The following STIM1 variants were observed in gnomAD, a reference collection of about 807,000 sequenced individuals.
STIM1 encodes stromal interaction molecule 1.
A neutral mutation model predicts 74.7 loss-of-function variants in STIM1; 25 were observed. The ratio of observed to expected loss-of-function variants is 0.33; its 90% CI spans 0.24 to 0.47. STIM1 has a LOEUF of 0.47. Ranked by LOEUF, STIM1 falls within the 20% of genes least tolerant of loss-of-function variation. STIM1 has a pLI of 1.00. For missense variants in STIM1, 728 were observed against 920.8 expected, an observed-to-expected ratio of 0.79 and a Z score of 2.71; for synonymous variants, 328 against 348.8, an observed-to-expected ratio of 0.94 and a Z score of 0.66.
chr11:3,891,753 A>G (rs750827927), intron 1 of STIM1, among the ~76,000 whole-genome samples: 4 of 152,258 alleles, frequency 2.6e-5, no homozygotes, highest in Non-Finnish European at 4.4e-5. Flanking sequence ...GTGTTTATCT[A>G]TGTAACCACC....
chr11:3,864,476 G>T (rs1346383472), intron 1 of STIM1, among the ~76,000 whole-genome samples: 1 of 152,126 alleles, frequency 6.6e-6, no homozygotes, highest in Non-Finnish European at 1.5e-5. Flanking sequence ...ATGGTTGTTG[G>T]CAGGCCTTGG....
At chr11:3,893,921 A>G (rs1275728287) in intron 1 of STIM1, among the ~76,000 whole-genome samples, 3 of 152,174 alleles carry the variant, frequency 2.0e-5, no homozygotes, top group African/African-American at 7.2e-5. Context: ...CTGGGACTAC[A>G]GGCACGTACC....
At chr11:4,045,029 C>G (rs2094179275) in intron 3 of STIM1, among the ~76,000 whole-genome samples, 1 of 152,164 alleles carries the variant, frequency 6.6e-6, no homozygotes, top group South Asian at 2.1e-4. Context: ...AAACTCTGGT[C>G]TAGAGTGACT....
chr11:3,856,456 G>A, intron 1 of STIM1, 47 bp downstream of exon 1: 2 of 1,591,602 alleles, frequency 1.3e-6, no homozygotes, highest in Non-Finnish European at 1.7e-6. Context: ...TTTGGCTCAG[G>A]ACTGAGTGGC....
intron 1 of STIM1, among the ~76,000 whole-genome samples, chr11:3,944,593 A>G (rs910579171): frequency 2.0e-5 from 3 of 152,234 alleles, no homozygotes; most frequent in Admixed American, 1.3e-4. Flanking sequence ...AGTCTAGTAG[A>G]AAGAGCACAA....
intron 2 of STIM1, among the ~76,000 whole-genome samples, chr11:3,983,592 C>G (rs2093528182): frequency 6.6e-6 from 1 of 152,134 alleles, no homozygotes; most frequent in Admixed American, 6.5e-5. Context: ...TACTATGTGA[C>G]ATTACATGTG....
chr11:3,929,823 G>A (rs2092835687), intron 1 of STIM1, among the ~76,000 whole-genome samples: 1 of 152,166 alleles, frequency 6.6e-6, no homozygotes, highest in African/African-American at 2.4e-5. Flanking sequence ...CATGTCTCGG[G>A]CCACAGGTTA....
chr11:4,016,689 A>G (rs2093900614), intron 2 of STIM1, among the ~76,000 whole-genome samples: 1 of 152,242 alleles, frequency 6.6e-6, no homozygotes, highest in Non-Finnish European at 1.5e-5. Context: ...GGCCTTGCTG[A>G]GGTGCAATGG....
intron 3 of STIM1, among the ~76,000 whole-genome samples, chr11:4,045,392 C>G (rs563683842): frequency 2.0e-5 from 3 of 152,026 alleles, no homozygotes; most frequent in Non-Finnish European, 4.4e-5. Flanking sequence ...ATCTGCAATG[C>G]GTTAGGATAT....
intron 1 of STIM1, among the ~76,000 whole-genome samples, chr11:3,879,444 G>C (rs1256544300): frequency 1.3e-5 from 2 of 152,056 alleles, no homozygotes; most frequent in Admixed American, 1.3e-4. Context: ...ACTTTCTGTT[G>C]GTTTCGTGGA....
chr11:3,860,969 G>T (rs1300085023), intron 1 of STIM1, among the ~76,000 whole-genome samples: 2 of 152,138 alleles, frequency 1.3e-5, no homozygotes, highest in African/African-American at 4.8e-5. Flanking sequence ...TAGGCTAAGG[G>T]TTAAAAGCGA....
intron 2 of STIM1, among the ~76,000 whole-genome samples, chr11:4,006,443 CTCA>C (rs2093781964): frequency 1.3e-5 from 2 of 152,138 alleles, no homozygotes; most frequent in Non-Finnish European, 2.9e-5. Flanking sequence ...TTGGCGGAGT[CTCA>C]TGCTGTTGCC....
intron 1 of STIM1, among the ~76,000 whole-genome samples, chr11:3,925,041 TAAAC>T (rs1387784018): frequency 6.6e-6 from 1 of 152,210 alleles, no homozygotes; most frequent in Non-Finnish European, 1.5e-5. Context: ...TTTCAAATCT[TAAAC>T]AATATTTAAT....
chr11:3,967,558 G>A lies in STIM1; in HGVS notation c.146G>A (p.Cys49Tyr), dbSNP rs1590608659. 1 of 1,614,140 alleles carries A rather than the reference G, an allele frequency of 6.2e-7. No homozygotes were observed. Among genetic ancestry groups the A allele is most frequent in the Non-Finnish European group, 8.5e-7 (1 of 1,180,008 alleles). Reference sequence around the variant, plus strand: ...TCTTGCTTTTCTTACACAGAGTTTTGCCGAATTGACAAGCCCCTGTGTCAC... The same window carrying A: ...TCTTGCTTTTCTTACACAGAGTTTTACCGAATTGACAAGCCCCTGTGTCAC... ...NSEESTAAEFCRIDKPLCHSE... is the reference protein window; with the variant it reads ...NSEESTAAEFYRIDKPLCHSE... The change falls in exon 2 of 13, where the codon TGC becomes TAC. Residue 49 changes from cysteine to tyrosine, a missense_variant. Physicochemically the swap from Cys to Tyr is radical, Grantham distance 194 (BLOSUM62 -2). Coordinates refer to ENST00000526596, the MANE Select transcript of STIM1 (RefSeq NM_001382567.1).
At chr11:4,004,981 A>C (rs1314706330) in intron 2 of STIM1, among the ~76,000 whole-genome samples, 3 of 152,362 alleles carry the variant, frequency 2.0e-5, no homozygotes, top group South Asian at 2.1e-4. Context: ...CACATGAGAA[A>C]ATGCTCATCA....
chr11:3,943,768 A>G (rs538166424), intron 1 of STIM1, among the ~76,000 whole-genome samples: 1 of 152,348 alleles, frequency 6.6e-6, no homozygotes, highest in South Asian at 2.1e-4. Context: ...ACAAAAAATT[A>G]TCCTAGAATA....
At chr11:3,905,485 T>G (rs774026825) in intron 1 of STIM1, among the ~76,000 whole-genome samples, 5 of 151,968 alleles carry the variant, frequency 3.3e-5, no homozygotes, top group African/African-American at 4.8e-5. Flanking sequence ...CCTGAATACT[T>G]CATACTATTG....
At chr11:3,970,059 T>A (rs2093376517) in intron 2 of STIM1, among the ~76,000 whole-genome samples, 1 of 150,694 alleles carries the variant, frequency 6.6e-6, no homozygotes, top group South Asian at 2.1e-4. Flanking sequence ...ATATCTTTGT[T>A]ATATGCTCCT....
chr11:4,073,519 G>A (rs1333451060), intron 6 of STIM1, among the ~76,000 whole-genome samples: 1 of 152,140 alleles, frequency 6.6e-6, no homozygotes, highest in Non-Finnish European at 1.5e-5. Flanking sequence ...TCAGTGGCAG[G>A]GAGAGCTTTC....
Sources: gnomAD v4.1 joint callset for allele counts (sites outside exome capture counted in the v4.1 genomes callset) on GRCh38, gnomAD v4.1.1 for gene constraint, MANE v1.5 for transcripts, NCBI Gene and HGNC (gene_info 2026-07-23, HGNC 2026-07-21) for gene names.